The following LRRTM4 variants were observed in gnomAD, a reference collection of about 807,000 sequenced individuals.
The protein encoded by LRRTM4 is leucine-rich repeat transmembrane neuronal protein 4.
LRRTM4 carries 25 observed loss-of-function variants against 47.6 expected under a neutral mutation model. That is an observed-to-expected ratio of 0.53 (90% confidence interval 0.38 to 0.73). LRRTM4 has a LOEUF of 0.73. Ranked by LOEUF, LRRTM4 falls within the 30% of genes least tolerant of loss-of-function variation. The pLI is 0.00. For missense variants in LRRTM4, 638 were observed against 713.4 expected (o/e 0.89, Z 1.20); for synonymous variants, 311 against 269.5 (o/e 1.15, Z -1.51).
At chr2:77,165,192 C>G (rs1672844479) in intron 3 of LRRTM4, among the ~76,000 whole-genome samples, 1 of 152,106 alleles carries the variant, frequency 6.6e-6, no homozygotes, top group Admixed American at 6.6e-5. Context: ...CATCTCTATG[C>G]AAATAAACCA....
intron 3 of LRRTM4, among the ~76,000 whole-genome samples, chr2:77,392,777 A>G (rs1485982952): frequency 1.3e-5 from 2 of 152,020 alleles, no homozygotes; most frequent in Non-Finnish European, 2.9e-5. Context: ...ACACAGGAGG[A>G]ATATGTTCAA....
intron 3 of LRRTM4, among the ~76,000 whole-genome samples, chr2:76,939,014 T>G (rs1182702685): frequency 6.6e-6 from 1 of 152,136 alleles, no homozygotes; most frequent in Non-Finnish European, 1.5e-5. Flanking sequence ...TAGGAGATTA[T>G]GAATAAGTTA....
At chr2:76,835,296 TA>T (rs1375588110) in intron 3 of LRRTM4, among the ~76,000 whole-genome samples, 1 of 140,376 alleles carries the variant, frequency 7.1e-6, no homozygotes, top group Non-Finnish European at 1.6e-5. Context: ...AAATGAAAAC[TA>T]ATGTGAGTGT....
At chr2:77,059,730 G>C (rs1679724758) in intron 3 of LRRTM4, among the ~76,000 whole-genome samples, 1 of 152,178 alleles carries the variant, frequency 6.6e-6, no homozygotes, top group Non-Finnish European at 1.5e-5. Flanking sequence ...TTTGCCCAAT[G>C]ATCATTACTT....
intron 3 of LRRTM4, among the ~76,000 whole-genome samples, chr2:77,060,436 A>G (rs1679750090): frequency 6.6e-6 from 1 of 152,186 alleles, no homozygotes; most frequent in Admixed American, 6.5e-5. Context: ...GTATCTTTGT[A>G]AAAAGAGATT....
At chr2:76,986,612 A>G (rs76104840) in intron 3 of LRRTM4, among the ~76,000 whole-genome samples, 5,603 of 152,012 alleles carry the variant, frequency 0.037, 223 homozygotes, top group East Asian at 0.14. Flanking sequence ...TCAGAAGTTG[A>G]ACATAATGAA....
intron 3 of LRRTM4, among the ~76,000 whole-genome samples, chr2:77,376,636 T>C (rs1468379151): frequency 1.3e-5 from 2 of 151,808 alleles, no homozygotes; most frequent in Admixed American, 6.6e-5. Flanking sequence ...ACTTTTCTCA[T>C]GATTACGCTG....
chr2:77,318,894 T>A (rs1023595827), intron 3 of LRRTM4, among the ~76,000 whole-genome samples: 223 of 151,480 alleles, frequency 1.5e-3, no homozygotes, highest in African/African-American at 4.5e-3. Flanking sequence ...CTTTTTTTTT[T>A]ATCTTGAAAC....
chr2:77,129,691 G>A (rs1338244721), intron 3 of LRRTM4, among the ~76,000 whole-genome samples: 1 of 152,158 alleles, frequency 6.6e-6, no homozygotes, highest in African/African-American at 2.4e-5. Flanking sequence ...CTTCAATCAT[G>A]AGTGTTCTAG....
At chr2:77,384,075 A>T (rs909097497) in intron 3 of LRRTM4, among the ~76,000 whole-genome samples, 62 of 152,140 alleles carry the variant, frequency 4.1e-4, no homozygotes, top group Non-Finnish European at 1.2e-4. Flanking sequence ...AATGAGTTTT[A>T]TAACTAACTA....
At chr2:77,263,918 T>C (rs368899752) in intron 3 of LRRTM4, among the ~76,000 whole-genome samples, 4 of 152,104 alleles carry the variant, frequency 2.6e-5, no homozygotes, top group African/African-American at 9.7e-5. Flanking sequence ...AATGATACCT[T>C]TTCCTGATGG....
chr2:76,911,761 T>C (rs1047359835), intron 3 of LRRTM4, among the ~76,000 whole-genome samples: 3 of 152,110 alleles, frequency 2.0e-5, no homozygotes, highest in African/African-American at 7.2e-5. Flanking sequence ...TTTTTTCTGA[T>C]GACATGTAAT....
chr2:77,134,705 A>C (rs775208773), intron 3 of LRRTM4, among the ~76,000 whole-genome samples: 1 of 152,182 alleles, frequency 6.6e-6, no homozygotes, highest in African/African-American at 2.4e-5. Flanking sequence ...TCATGACTAA[A>C]AATACCATAT....
chr2:76,966,374 A>G (rs1263363462), intron 3 of LRRTM4, among the ~76,000 whole-genome samples: 1 of 151,336 alleles, frequency 6.6e-6, no homozygotes, highest in Non-Finnish European at 1.5e-5. Context: ...GGGGGTTAGG[A>G]GTAATTACAT....
At chr2:77,195,364 T>C (rs1388580587) in intron 3 of LRRTM4, among the ~76,000 whole-genome samples, 1 of 152,002 alleles carries the variant, frequency 6.6e-6, no homozygotes, top group Non-Finnish European at 1.5e-5. Flanking sequence ...AAGTGATTTC[T>C]GGAGGGATGA....
At position 77,229,521 on chromosome 2, in the gene LRRTM4, C is replaced by T. The variant is rs149378510; in HGVS notation, c.1551+288797G>A. ...TCTTTCCAATATCATTAAATGGCAA[C>T]CACATTTTCCTGCATAATCAGAATT... On this transcript the variant is annotated intron_variant, in intron 3 of 3. Transcript: ENST00000409884. Among the ~76,000 whole-genome samples the T allele has an allele frequency of 3.5e-3, 528 of 152,178 alleles. 3 individuals are homozygous for T. Among genetic ancestry groups the T allele is most frequent in the African/African-American group, 0.012 (499 of 41,524 alleles).
At chr2:77,085,329 T>C (rs1311294345) in intron 3 of LRRTM4, among the ~76,000 whole-genome samples, 1 of 151,672 alleles carries the variant, frequency 6.6e-6, no homozygotes, top group East Asian at 1.9e-4. Context: ...AATTTAAGAA[T>C]CATTGTTTGA....
At chr2:76,783,209 C>T (rs1318352985) in intron 3 of LRRTM4, among the ~76,000 whole-genome samples, 1 of 152,134 alleles carries the variant, frequency 6.6e-6, no homozygotes, top group Non-Finnish European at 1.5e-5. Flanking sequence ...ACTCCTACCC[C>T]ATAGTAAGCA....
chr2:77,447,169 T>C (rs1676084143), intron 3 of LRRTM4, among the ~76,000 whole-genome samples: 1 of 152,106 alleles, frequency 6.6e-6, no homozygotes, highest in Non-Finnish European at 1.5e-5. Context: ...GATTCTCCAA[T>C]ACTTTAAAAA....
Sources: gnomAD v4.1 joint callset for allele counts (sites outside exome capture counted in the v4.1 genomes callset) on GRCh38, gnomAD v4.1.1 for gene constraint, MANE v1.5 for transcripts, NCBI Gene and HGNC (gene_info 2026-07-23, HGNC 2026-07-21) for gene names.